KLF7: variants seen among roughly 807,000 people sequenced by gnomAD.
KLF7 encodes KLF transcription factor 7, also known as Krueppel-like factor 7.
In KLF7, 2 loss-of-function variants were observed where a neutral mutation model predicts 27.3. That is an observed-to-expected ratio of 0.07 (90% CI 0.03 to 0.23). The LOEUF is 0.23. Ranked by LOEUF, KLF7 falls within the 10% of genes least tolerant of loss-of-function variation. The pLI is 1.00. For synonymous variants in KLF7, 165 were observed against 162.4 expected (o/e 1.02, Z -0.12); for missense variants, 221 against 394.1 (o/e 0.56, Z 3.72).
chr2:207,098,023 A>G (rs939789381), intron 2 of KLF7, among the ~76,000 whole-genome samples: 1 of 152,226 alleles, frequency 6.6e-6, no homozygotes, highest in South Asian at 2.1e-4. Context: ...TTAAGAATTT[A>G]GACCTCAACA....
At chr2:207,101,556 GT>G (rs1212303351) in intron 2 of KLF7, among the ~76,000 whole-genome samples, 1 of 152,166 alleles carries the variant, frequency 6.6e-6, no homozygotes, top group Non-Finnish European at 1.5e-5. Flanking sequence ...GAGGTCAAGG[GT>G]AAGTATGTGA....
At chr2:207,130,559 T>A (rs773692527) in intron 1 of KLF7, among the ~76,000 whole-genome samples, 3 of 152,318 alleles carry the variant, frequency 2.0e-5, no homozygotes, top group Admixed American at 6.5e-5. Flanking sequence ...TTGGAAGAGC[T>A]AGAACTTTCT....
At chr2:207,153,423 T>C (rs948364037) in intron 1 of KLF7, among the ~76,000 whole-genome samples, 14 of 152,214 alleles carry the variant, frequency 9.2e-5, no homozygotes, top group Admixed American at 5.9e-4. Flanking sequence ...GTTAAATTTA[T>C]AGTTAAATTT....
intron 1 of KLF7, among the ~76,000 whole-genome samples, chr2:207,128,337 GAAGGA>G (rs2077535900): frequency 6.6e-6 from 1 of 152,134 alleles, no homozygotes; most frequent in African/African-American, 2.4e-5. Flanking sequence ...TTAAAAGATG[GAAGGA>G]AAGGGTCAGC....
intron 1 of KLF7, among the ~76,000 whole-genome samples, chr2:207,163,120 C>A (rs1302943230): frequency 4.6e-5 from 7 of 152,200 alleles, no homozygotes; most frequent in Admixed American, 1.3e-4. Context: ...AAGGTTTTGT[C>A]ATCAGTGTAA....
chr2:207,150,539 A>T (rs1343519443), intron 1 of KLF7, among the ~76,000 whole-genome samples: 1 of 152,258 alleles, frequency 6.6e-6, no homozygotes, highest in Non-Finnish European at 1.5e-5. Flanking sequence ...ACCGTACAGC[A>T]TGTAACAGTT....
At chr2:207,160,446 C>T (rs758523058) in intron 1 of KLF7, among the ~76,000 whole-genome samples, 3 of 152,094 alleles carry the variant, frequency 2.0e-5, no homozygotes, top group Admixed American at 6.6e-5. Flanking sequence ...ATTTGCCAGT[C>T]GTGGGGTCCA....
chr2:207,167,040 C>G (rs2106165476), upstream of KLF7: 1 of 1,066,686 alleles, frequency 9.4e-7, no homozygotes, highest in Non-Finnish European at 1.2e-6. Context: ...GGGCCTGTTG[C>G]TCGACTGTGC....
At chr2:207,084,044 C>T (rs2543593) in intron 3 of KLF7, among the ~76,000 whole-genome samples, 112,513 of 152,116 alleles carry the variant, frequency 0.74, 42,408 homozygotes, top group African/African-American at 0.87. Context: ...AACTGTAAGA[C>T]CATAAACTTG....
At chr2:207,129,321 G>A (rs540788946) in intron 1 of KLF7, among the ~76,000 whole-genome samples, 1 of 152,292 alleles carries the variant, frequency 6.6e-6, no homozygotes, top group East Asian at 1.9e-4. Context: ...GAGGTACAAG[G>A]CTTCCCTCAG....
At chr2:207,104,689 A>G (rs1317069079) in intron 2 of KLF7, among the ~76,000 whole-genome samples, 1 of 152,248 alleles carries the variant, frequency 6.6e-6, no homozygotes, top group Non-Finnish European at 1.5e-5. Context: ...TATATGTGGT[A>G]CAGTCAAGAT....
At chr2:207,103,219 C>T (rs932822695) in intron 2 of KLF7, among the ~76,000 whole-genome samples, 4 of 152,170 alleles carry the variant, frequency 2.6e-5, no homozygotes, top group Admixed American at 6.5e-5. Flanking sequence ...TGAGCCATCA[C>T]GGCCAATCAA....
intron 2 of KLF7, among the ~76,000 whole-genome samples, chr2:207,115,841 G>A (rs752360302): frequency 1.1e-4 from 17 of 152,160 alleles, no homozygotes; most frequent in Non-Finnish European, 1.8e-4. Context: ...ATACACTGGT[G>A]GATGGACGTA....
intron 2 of KLF7, among the ~76,000 whole-genome samples, chr2:207,092,660 C>T (rs1404454299): frequency 1.3e-5 from 2 of 152,138 alleles, no homozygotes; most frequent in African/African-American, 4.8e-5. Context: ...GTGGTCTAAA[C>T]CAGTGTGGCA....
At chr2:207,143,365 A>G (rs2077997889) in intron 1 of KLF7, among the ~76,000 whole-genome samples, 1 of 151,892 alleles carries the variant, frequency 6.6e-6, no homozygotes, top group Admixed American at 6.6e-5. Flanking sequence ...AGGAGAAGAA[A>G]ATGAGGAAGA....
chr2:207,165,899 G>A lies in KLF7; in HGVS notation c.-331C>T. On this transcript the variant is annotated 5_prime_UTR_variant, in exon 1 of 4. Coordinates refer to ENST00000309446, the MANE Select transcript of KLF7 (RefSeq NM_003709.4). ...ACTCCAGCTCGTGGATCAGGAAGGG[G>A]GATGCAAACTCACTGACACGAAGCT... 4 of 1,139,474 alleles carry A rather than the reference G, an allele frequency of 3.5e-6. No homozygotes were observed. Among genetic ancestry groups the A allele is most frequent in the Non-Finnish European group, 4.3e-6 (4 of 924,172 alleles). The allele number at this position is 1,139,474 out of a possible 1,614,324, so 70.6% of individuals were successfully genotyped here.
upstream of KLF7, among the ~76,000 whole-genome samples, chr2:207,167,528 T>G (rs973585250): frequency 2.0e-5 from 3 of 152,262 alleles, no homozygotes; most frequent in Non-Finnish European, 4.4e-5. Flanking sequence ...TAAGCACAGA[T>G]TGAAATTCAG....
At chr2:207,093,277 C>G (rs543962769) in intron 2 of KLF7, among the ~76,000 whole-genome samples, 1 of 152,172 alleles carries the variant, frequency 6.6e-6, no homozygotes, top group Non-Finnish European at 1.5e-5. Context: ...GGTTTTCTAT[C>G]GTTCTCAGAA....
At position 207,124,001 on chromosome 2, in the gene KLF7, T is replaced by C; in HGVS notation, c.506A>G (p.Lys169Arg). The C allele has an allele frequency of 6.2e-7, 1 of 1,614,180 alleles. No individual in the cohort carries two copies. The highest frequency in any genetic ancestry group is 8.5e-7 in the Non-Finnish European group (1 of 1,180,022). ...CTTTACGGAGCTGAGAGCAGCCTTC[T>C]TGGCCACCAGTTTCAACGTCACCGT... The part of the protein sequence containing the change: ...DGTVTLKLVA[K>R]KAALSSVKVG... Residue 169 changes from lysine (K) to arginine (R), a missense_variant, in exon 2 of 4, where the codon AAG becomes AGG. Around this residue, in one of 3 missense-constraint regions of KLF7, gnomAD observed 180 missense variants for 227.9 expected, o/e 0.79. Coordinates refer to ENST00000309446, the MANE Select transcript of KLF7 (RefSeq NM_003709.4).
Sources: gnomAD v4.1 joint callset for allele counts (sites outside exome capture counted in the v4.1 genomes callset) on GRCh38, gnomAD v4.1.1 for gene constraint, gnomAD v4.1.1 regional missense constraint, MANE v1.5 for transcripts, NCBI Gene and HGNC (gene_info 2026-07-23, HGNC 2026-07-21) for gene names.